NGEF: variants seen among roughly 807,000 people sequenced by gnomAD.
NGEF encodes the protein ephexin-1.
Under a neutral mutation model 80.9 loss-of-function variants are expected in NGEF, and 31 were observed. The ratio of observed to expected loss-of-function variants is 0.38; its 90% CI spans 0.29 to 0.52. The LOEUF (loss-of-function observed/expected upper bound fraction) is 0.52. Ranked by LOEUF, NGEF falls within the 20% of genes least tolerant of loss-of-function variation. The pLI, the probability that NGEF is intolerant of heterozygous loss-of-function variation, is 0.84. For missense variants in NGEF, 709 were observed against 926.2 expected, an observed-to-expected ratio of 0.77 and a Z score of 3.04; for synonymous variants, 371 against 370.2, an observed-to-expected ratio of 1.00 and a Z score of -0.03.
chr2:232,939,050 C>T (rs1402613380), intron 3 of NGEF, among the ~76,000 whole-genome samples: 2 of 151,712 alleles, frequency 1.3e-5, no homozygotes, highest in African/African-American at 4.8e-5. Flanking sequence ...TGGTGGTGGG[C>T]ACCTGTAATC....
chr2:232,992,449 T>C (rs1024762286), intron 1 of NGEF, among the ~76,000 whole-genome samples: 1 of 151,962 alleles, frequency 6.6e-6, no homozygotes, highest in African/African-American at 2.4e-5. Context: ...TACCAGCTAC[T>C]TGGGAGACTG....
intron 3 of NGEF, among the ~76,000 whole-genome samples, chr2:232,961,364 A>C (rs952361913): frequency 6.6e-6 from 1 of 152,112 alleles, no homozygotes; most frequent in Non-Finnish European, 1.5e-5. Flanking sequence ...ACATATTTAA[A>C]ACTTCTCCCA....
At chr2:232,906,018 G>T (rs1378203567) in intron 5 of NGEF, among the ~76,000 whole-genome samples, 51 of 135,840 alleles carry the variant, frequency 3.8e-4, no homozygotes, top group African/African-American at 1.4e-3. Flanking sequence ...CCGGGAGGGA[G>T]GTGGGGGGGT....
At chr2:232,948,171 GTGTGTGTGTGTGTA>G (rs1693600249) in intron 3 of NGEF, among the ~76,000 whole-genome samples, 1 of 149,618 alleles carries the variant, frequency 6.7e-6, no homozygotes, top group South Asian at 2.1e-4. Flanking sequence ...GTGTGTGTGT[GTGTGTGTGTGTGTA>G]TATAATTATT....
In NGEF at chr2:232,882,187, C is replaced by T; in HGVS notation, c.1836G>A (p.Leu612=). The T allele has an allele frequency of 6.2e-7, 1 of 1,613,580 alleles. No individual in the cohort carries two copies. Among genetic ancestry groups the T allele is most frequent in the Non-Finnish European group, 8.5e-7 (1 of 1,179,840 alleles). ...TKFVSFTSRL[L]DCPQVQCVHP... ...CCCCCTTACCCACCGGTGACTTACC[C>T]AGCAGCCGGGATGTGAACGAAACAA... The change falls in exon 13 of 15, where the codon CTG becomes CTA. Residue 612 remains leucine, a splice_region_variant and synonymous_variant. Transcript: ENST00000264051.
At chr2:233,011,627 A>G (rs1484621063) in intron 1 of NGEF, among the ~76,000 whole-genome samples, 1 of 150,412 alleles carries the variant, frequency 6.6e-6, no homozygotes, top group African/African-American at 2.4e-5. Flanking sequence ...GAGTCTTGCC[A>G]GGTTGCCCAG....
intron 5 of NGEF, among the ~76,000 whole-genome samples, chr2:232,900,192 GCT>G (rs1575002121): frequency 3.3e-5 from 2 of 60,834 alleles, no homozygotes; most frequent in Non-Finnish European, 6.3e-5. Context: ...TCACACACAC[GCT>G]CTCACAGTCA....
intron 1 of NGEF, among the ~76,000 whole-genome samples, chr2:232,986,418 C>A (rs751245295): frequency 6.6e-6 from 1 of 152,186 alleles, no homozygotes; most frequent in African/African-American, 2.4e-5. Context: ...CAACCATGTT[C>A]ATTATTCATG....
At chr2:232,942,301 A>T (rs1478586441) in intron 3 of NGEF, among the ~76,000 whole-genome samples, 4 of 152,188 alleles carry the variant, frequency 2.6e-5, no homozygotes, top group Non-Finnish European at 5.9e-5. Context: ...AGGAGACAGG[A>T]CCTGGCCTGA....
At chr2:232,980,357 A>ATGTGGGGAGGAGCAAGGTGGG (rs1181515472) in intron 1 of NGEF, among the ~76,000 whole-genome samples, 1 of 152,120 alleles carries the variant, frequency 6.6e-6, no homozygotes, top group Non-Finnish European at 1.5e-5. Context: ...GGCACAGGGC[A>ATGTGGGGAGGAGCAAGGTGGG]TGTGGGGAGG....
chr2:232,953,455 T>C (rs1693724869), intron 3 of NGEF, among the ~76,000 whole-genome samples: 1 of 146,156 alleles, frequency 6.8e-6, no homozygotes, highest in Non-Finnish European at 1.5e-5. Flanking sequence ...ACCAACATGC[T>C]CAAAAAATAA....
At position 232,900,385 on chromosome 2, in the gene NGEF, C is replaced by G. The variant is rs556586577; in HGVS notation, c.829-5469G>C. Among the ~76,000 whole-genome samples the G allele has an allele frequency of 1.9e-3, 181 of 95,874 alleles. 9 individuals carry two copies. Among genetic ancestry groups the G allele is most frequent in the Non-Finnish European group, 3.2e-3 (146 of 45,562 alleles). The allele number at this position is 95,874 out of a possible 152,430, so 62.9% of individuals were successfully genotyped here. On this transcript the variant is annotated intron_variant, in intron 5 of 14. Transcript: ENST00000264051. ...TCACATTCACTTACACACACACGCTCTCACAGTCACTCATATACACGTTCA... is the reference window on the plus strand; with the variant it reads ...TCACATTCACTTACACACACACGCTGTCACAGTCACTCATATACACGTTCA...
intron 5 of NGEF, among the ~76,000 whole-genome samples, chr2:232,899,189 G>A (rs1692194579): frequency 6.6e-6 from 1 of 151,858 alleles, no homozygotes; most frequent in Non-Finnish European, 1.5e-5. Context: ...GAGTGTGAAT[G>A]TGTGTGAATG....
chr2:232,899,186 A>G (rs1385527908), intron 5 of NGEF, among the ~76,000 whole-genome samples: 1 of 151,512 alleles, frequency 6.6e-6, no homozygotes, highest in East Asian at 1.9e-4. Flanking sequence ...GGTGAGTGTG[A>G]ATGTGTGTGA....
At chr2:232,994,404 G>C (rs1478747399) in intron 1 of NGEF, among the ~76,000 whole-genome samples, 1 of 151,650 alleles carries the variant, frequency 6.6e-6, no homozygotes, top group African/African-American at 2.4e-5. Context: ...TAAAAAAATA[G>C]AGGGATATCA....
At chr2:232,919,964 G>A (rs896416798) in intron 5 of NGEF, among the ~76,000 whole-genome samples, 5 of 152,310 alleles carry the variant, frequency 3.3e-5, no homozygotes, top group African/African-American at 9.6e-5. Context: ...GCAGTGCCTC[G>A]TGCCGTGGCA....
intron 3 of NGEF, among the ~76,000 whole-genome samples, chr2:232,958,406 T>A (rs1238946533): frequency 1.3e-5 from 2 of 152,190 alleles, no homozygotes; most frequent in African/African-American, 4.8e-5. Context: ...CACAGGTGTA[T>A]CTTCAAGAGG....
At chr2:232,938,548 A>G (rs1419374333) in intron 3 of NGEF, among the ~76,000 whole-genome samples, 1 of 152,046 alleles carries the variant, frequency 6.6e-6, no homozygotes, top group Non-Finnish European at 1.5e-5. Flanking sequence ...GACCAAGAGG[A>G]GCCTGGGCTT....
At chr2:232,983,882 C>A (rs540077702) in intron 1 of NGEF, among the ~76,000 whole-genome samples, 1 of 152,334 alleles carries the variant, frequency 6.6e-6, no homozygotes, top group East Asian at 1.9e-4. Flanking sequence ...GTGGCTGCCA[C>A]AGTCCAGCTG....
Sources: allele counts gnomAD v4.1 joint callset (sites outside exome capture counted in the v4.1 genomes callset), GRCh38; gene constraint gnomAD v4.1.1; transcripts MANE v1.5; gene names NCBI Gene and HGNC (gene_info 2026-07-23, HGNC 2026-07-21).